Variants in ZFHX3 observed in about 807,000 individuals in gnomAD.
ZFHX3 encodes zinc finger homeobox 3.
Under a neutral mutation model 279.1 loss-of-function variants are expected in ZFHX3, and 42 were observed. The observed-to-expected ratio is 0.15, with a 90% CI of 0.12 to 0.19. The LOEUF is 0.19. Among genes scored for constraint, ZFHX3 ranks in the 10% least tolerant of loss-of-function variants. The probability of loss-of-function intolerance (pLI) is 1.00; values close to 1 mark genes in which losing one functional copy is unlikely to be tolerated. For missense variants in ZFHX3, 4,981 were observed against 4,754.0 expected (o/e 1.05, Z -1.40); for synonymous variants, 2,293 against 1,957.8 (o/e 1.17, Z -4.52).
intron 5 of ZFHX3, among the ~76,000 whole-genome samples, chr16:73,172,449 C>A (rs1451251158): frequency 6.6e-6 from 1 of 152,240 alleles, no homozygotes; most frequent in Admixed American, 6.5e-5. Context: ...GTATTTATAG[C>A]CGTGTGAGAC....
intron 5 of ZFHX3, among the ~76,000 whole-genome samples, chr16:73,151,928 ACC>A (rs74898623): frequency 0.026 from 2,773 of 107,690 alleles, 51 homozygotes; most frequent in East Asian, 0.12. Context: ...CCCCCACCCC[ACC>A]CACACAGAAA....
At chr16:72,873,674 T>C (rs935839680) in intron 4 of ZFHX3, among the ~76,000 whole-genome samples, 1 of 152,196 alleles carries the variant, frequency 6.6e-6, no homozygotes, top group South Asian at 2.1e-4. Flanking sequence ...AAGTGCCTAT[T>C]GTCAAAAATC....
At chr16:73,049,536 G>A (rs1363324504), upstream of ZFHX3, among the ~76,000 whole-genome samples, 3 of 152,144 alleles carry the variant, frequency 2.0e-5, no homozygotes, top group Admixed American at 6.5e-5. Context: ...TAACCTGTTG[G>A]GTACAGACAG....
At chr16:73,771,385 G>C (rs901314517) in intron 1 of ZFHX3, among the ~76,000 whole-genome samples, 28 of 152,124 alleles carry the variant, frequency 1.8e-4, no homozygotes, top group Non-Finnish European at 3.7e-4. Flanking sequence ...AGCAGAGCTG[G>C]TCAGAAAAAA....
intron 2 of ZFHX3, among the ~76,000 whole-genome samples, chr16:73,537,760 G>GA (rs2019932933): frequency 1.3e-5 from 2 of 152,198 alleles, no homozygotes; most frequent in African/African-American, 4.8e-5. Context: ...ATGAAAAGAT[G>GA]CTGGTGCCAC....
chr16:73,053,790 C>T (rs9930504), intron 1 of ZFHX3, among the ~76,000 whole-genome samples: 43,668 of 151,846 alleles, frequency 0.29, 6,571 homozygotes, highest in East Asian at 0.51. Context: ...AAAGGCAAGG[C>T]GGGGGTAGGG....
chr16:73,062,529 A>T (rs1965696934), upstream of ZFHX3, among the ~76,000 whole-genome samples: 1 of 152,208 alleles, frequency 6.6e-6, no homozygotes, highest in African/African-American at 2.4e-5. Flanking sequence ...TTGAGTAAGA[A>T]TCTGCTTCCC....
chr16:73,278,777 C>A (rs560462317), intron 4 of ZFHX3, among the ~76,000 whole-genome samples: 3 of 152,300 alleles, frequency 2.0e-5, no homozygotes, highest in East Asian at 1.9e-4. Flanking sequence ...TTACAGAGTG[C>A]TGATTGGTGC....
chr16:73,424,427 G>T lies in ZFHX3; in HGVS notation c.-1291+31576C>A, dbSNP rs73594995. ...TGGTAGCTTGAACATGGCTCACCTT[G>T]CACCTTCTGCATATGTACTCACAAG... On this transcript the variant is annotated intron_variant, in intron 3 of 17. Coordinates refer to the ZFHX3 transcript ENST00000641206. Among the ~76,000 whole-genome samples the T allele has an allele frequency of 4.4e-3, 671 of 152,206 alleles. 6 individuals carry two copies. The highest frequency in any genetic ancestry group is 0.016 in the African/African-American group (645 of 41,524).
chr16:73,094,762 T>G (rs1159721739), intron 7 of ZFHX3, among the ~76,000 whole-genome samples: 1 of 152,118 alleles, frequency 6.6e-6, no homozygotes, highest in Non-Finnish European at 1.5e-5. Flanking sequence ...CAGGCTGGAG[T>G]GCAGAGGTAC....
At chr16:73,558,709 CTTTTTTTTT>C (rs989644068) in intron 2 of ZFHX3, among the ~76,000 whole-genome samples, 4 of 90,478 alleles carry the variant, frequency 4.4e-5, no homozygotes, top group Admixed American at 2.7e-4. Context: ...GAAAATGACT[CTTTTTTTTT>C]TTTTTTTTTT....
At chr16:72,990,722 T>C (rs920536516) in intron 1 of ZFHX3, among the ~76,000 whole-genome samples, 5 of 152,202 alleles carry the variant, frequency 3.3e-5, no homozygotes, top group Non-Finnish European at 5.9e-5. Flanking sequence ...GGCTCATGCC[T>C]GTAATCCCAG....
Position 73,703,084 on chromosome 16 carries a change from A to G in ZFHX3, c.-1607-22844T>C, listed in dbSNP as rs186872054. On this transcript the variant is annotated intron_variant, in intron 1 of 17. Transcript: ENST00000641206. Reference sequence around the variant, plus strand: ...ATGGAATGATACCTCTTGCCATCCAATCTTAGACTAGTCAGCAATCCCCTA... The same window carrying G: ...ATGGAATGATACCTCTTGCCATCCAGTCTTAGACTAGTCAGCAATCCCCTA... Among the ~76,000 whole-genome samples, 34 of 152,342 alleles carry G rather than the reference A, an allele frequency of 2.2e-4. No homozygotes were observed. The East Asian group carries it at 5.8e-3, about 26-fold the overall frequency.
At chr16:73,103,362 G>A (rs1966255378) in intron 7 of ZFHX3, among the ~76,000 whole-genome samples, 1 of 149,952 alleles carries the variant, frequency 6.7e-6, no homozygotes, top group East Asian at 1.9e-4. Context: ...CCCCAAACCA[G>A]ACTCTGCCTC....
intron 1 of ZFHX3, among the ~76,000 whole-genome samples, chr16:73,695,232 G>GTTTTTTTTT (rs1409367239): frequency 1.3e-5 from 1 of 77,918 alleles, no homozygotes; most frequent in Non-Finnish European, 3.0e-5. Flanking sequence ...TTCAAATACA[G>GTTTTTTTTT]TTTTTTTTTG....
At chr16:73,457,655 C>T (rs2018396758) in intron 2 of ZFHX3, among the ~76,000 whole-genome samples, 1 of 152,176 alleles carries the variant, frequency 6.6e-6, no homozygotes, top group South Asian at 2.1e-4. Flanking sequence ...TGCCTGTATT[C>T]CCAGCTCTCC....
At chr16:73,816,587 T>C (rs568739292) in intron 1 of ZFHX3, among the ~76,000 whole-genome samples, 1 of 151,952 alleles carries the variant, frequency 6.6e-6, no homozygotes, top group East Asian at 1.9e-4. Context: ...GAAAAAACTT[T>C]TTGATCCAAA....
chr16:73,210,834 T>G (rs971913814), intron 5 of ZFHX3, among the ~76,000 whole-genome samples: 1 of 152,122 alleles, frequency 6.6e-6, no homozygotes, highest in African/African-American at 2.4e-5. Flanking sequence ...AGCTTCTTTT[T>G]TTTTTCCCAA....
chr16:73,033,756 G>T (rs898436926), intron 1 of ZFHX3, among the ~76,000 whole-genome samples: 1 of 152,080 alleles, frequency 6.6e-6, no homozygotes. Flanking sequence ...CTTACCAGGG[G>T]CACAAATCCC....
Sources: allele counts gnomAD v4.1 joint callset (sites outside exome capture counted in the v4.1 genomes callset), GRCh38; gene constraint gnomAD v4.1.1; transcripts MANE v1.5; gene names NCBI Gene and HGNC (gene_info 2026-07-23, HGNC 2026-07-21).